SAMD12: variants seen among roughly 807,000 people sequenced by gnomAD.
SAMD12 encodes the protein sterile alpha motif domain containing 12.
SAMD12 carries 9 observed loss-of-function variants against 15.0 expected under a neutral mutation model. That is an observed-to-expected ratio of 0.60 (90% CI 0.36 to 1.05). SAMD12 has a LOEUF of 1.05. SAMD12 is among the 50% of genes least tolerant of loss of function. The probability of loss-of-function intolerance (pLI) is 0.01; values close to 1 mark genes in which losing one functional copy is unlikely to be tolerated. For synonymous variants in SAMD12, 86 were observed against 90.1 expected (o/e 0.96, Z 0.25); for missense variants, 230 against 234.2 (o/e 0.98, Z 0.12).
At chr8:118,387,156 C>A (rs546505260) in intron 3 of SAMD12, among the ~76,000 whole-genome samples, 2 of 152,322 alleles carry the variant, frequency 1.3e-5, no homozygotes, top group Admixed American at 1.3e-4. Context: ...ACTTATGTTT[C>A]TCCAATCATG....
chr8:118,369,667 A>T (rs983243524), intron 4 of SAMD12, among the ~76,000 whole-genome samples: 1 of 152,098 alleles, frequency 6.6e-6, no homozygotes, highest in Non-Finnish European at 1.5e-5. Context: ...GTGAGCTGGG[A>T]TCACGCCATT....
At chr8:118,163,874 C>CAAACA in the SAMD12 span, among the ~76,000 whole-genome samples, 4,941 of 149,216 alleles carry the variant, frequency 0.033, 150 homozygotes, top group African/African-American at 0.081. Context: ...GACTCCGTCT[C>CAAACA]AAACAAAACA....
At chr8:118,579,801 A>G (rs1425766389) in intron 2 of SAMD12, among the ~76,000 whole-genome samples, 3 of 152,168 alleles carry the variant, frequency 2.0e-5, no homozygotes, top group African/African-American at 7.2e-5. Flanking sequence ...AAACAAAACT[A>G]TATGAAGATT....
At chr8:118,150,937 A>G in the SAMD12 span, among the ~76,000 whole-genome samples, 130,569 of 152,148 alleles carry the variant, frequency 0.86, 56,114 homozygotes, top group Non-Finnish European at 0.89. Context: ...GCCAGGGATA[A>G]TGGCACACAC....
At chr8:118,336,763 A>G (rs1200346241) in intron 4 of SAMD12, among the ~76,000 whole-genome samples, 1 of 152,242 alleles carries the variant, frequency 6.6e-6, no homozygotes, top group Admixed American at 6.5e-5. Flanking sequence ...GAACCAACTC[A>G]AATGTCCATC....
At chr8:118,303,601 C>T (rs1194981017) in intron 4 of SAMD12, among the ~76,000 whole-genome samples, 4 of 152,028 alleles carry the variant, frequency 2.6e-5, no homozygotes, top group South Asian at 2.1e-4. Context: ...TTCTTAGGAT[C>T]GCAAAAACAA....
chr8:118,164,352 G>C, the SAMD12 span, among the ~76,000 whole-genome samples: 1 of 152,126 alleles, frequency 6.6e-6, no homozygotes, highest in South Asian at 2.1e-4. Context: ...TGCTTCAGCT[G>C]TAACTGAGTT....
the SAMD12 span, among the ~76,000 whole-genome samples, chr8:118,165,811 C>T: frequency 1.4e-4 from 21 of 151,832 alleles, no homozygotes; most frequent in Non-Finnish European, 2.8e-4. Context: ...TGATCTGACA[C>T]GTGATAATAA....
chr8:118,274,957 C>A (rs1340821448), intron 4 of SAMD12, among the ~76,000 whole-genome samples: 1 of 152,116 alleles, frequency 6.6e-6, no homozygotes, highest in East Asian at 1.9e-4. Context: ...TATGCTCTAT[C>A]CCATGTTTCT....
chr8:118,606,959 T>C (rs965543788), intron 1 of SAMD12, among the ~76,000 whole-genome samples: 5 of 152,288 alleles, frequency 3.3e-5, no homozygotes, highest in African/African-American at 9.6e-5. Flanking sequence ...CAGAGTACCC[T>C]CATGGTACCA....
rs539443538 is a variant in SAMD12 at position 118,271,090 on chromosome 8, G to C, written c.434-73358C>G. Among the ~76,000 whole-genome samples the C allele has an allele frequency of 3.0e-4, 46 of 152,178 alleles. 2 individuals are homozygous for C. The South Asian group carries it at 7.9e-3, about 26-fold the overall frequency. ...CATAGAAAGAATGTGAGGCTAAGAG[G>C]GGGTATATTAGTCCATTCTCATGCT... On this transcript the variant is annotated intron_variant, in intron 4 of 4. Transcript: ENST00000409003.
chr8:118,318,327 T>TATATATATATATATGTATATATATATAC (rs1816039997), intron 4 of SAMD12, among the ~76,000 whole-genome samples: 2 of 35,056 alleles, frequency 5.7e-5, no homozygotes, highest in Admixed American at 4.8e-4. Flanking sequence ...TATATATATA[T>TATATATATATATATGTATATATATATAC]ATATATATAT....
chr8:118,335,338 T>C (rs1414047679), intron 4 of SAMD12, among the ~76,000 whole-genome samples: 1 of 152,214 alleles, frequency 6.6e-6, no homozygotes, highest in African/African-American at 2.4e-5. Context: ...ACCAGGATCA[T>C]GTTTCCCACT....
chr8:118,520,238 A>G (rs1346655041), intron 2 of SAMD12, among the ~76,000 whole-genome samples: 1 of 147,970 alleles, frequency 6.8e-6, no homozygotes, highest in Non-Finnish European at 1.5e-5. Flanking sequence ...AAAAACACAC[A>G]TAAAAATATC....
chr8:118,234,754 A>G (rs570787171), intron 4 of SAMD12, among the ~76,000 whole-genome samples: 1 of 151,808 alleles, frequency 6.6e-6, no homozygotes, highest in South Asian at 2.1e-4. Context: ...AGGAAGCAAT[A>G]AATAATACAA....
exon 5 of SAMD12, chr8:118,193,303 AGAAT>A (rs1367902263): frequency 6.6e-6 from 1 of 152,252 alleles, no homozygotes; most frequent in Non-Finnish European, 1.5e-5. Context: ...CGCTTTCAAA[AGAAT>A]GCTCTCTGTC....
chr8:118,466,336 A>G (rs1373936492), intron 2 of SAMD12, among the ~76,000 whole-genome samples: 1 of 152,246 alleles, frequency 6.6e-6, no homozygotes, highest in East Asian at 1.9e-4. Flanking sequence ...CATGCACTAT[A>G]CTAAGACACT....
intron 4 of SAMD12, among the ~76,000 whole-genome samples, chr8:118,316,940 C>T (rs991787446): frequency 6.6e-5 from 10 of 150,824 alleles, no homozygotes; most frequent in Non-Finnish European, 1.2e-4. Flanking sequence ...CAGGTGTTAG[C>T]CACCGTGCCT....
intron 2 of SAMD12, among the ~76,000 whole-genome samples, chr8:118,455,293 A>C (rs1021498860): frequency 7.1e-5 from 6 of 84,912 alleles, no homozygotes; most frequent in East Asian, 3.6e-4. Context: ...CTCTCTCTCT[A>C]CTGTTTACTC....
Sources: gnomAD v4.1 joint callset for allele counts (sites outside exome capture counted in the v4.1 genomes callset) on GRCh38, gnomAD v4.1.1 for gene constraint, MANE v1.5 for transcripts, NCBI Gene and HGNC (gene_info 2026-07-23, HGNC 2026-07-21) for gene names.